Variants in GLRA3 observed in about 807,000 individuals in gnomAD.
GLRA3 encodes glycine receptor subunit alpha-3.
In GLRA3, 44 loss-of-function variants were observed where a neutral mutation model predicts 60.4. The observed-to-expected ratio is 0.73, with a 90% CI of 0.57 to 0.94. The LOEUF (loss-of-function observed/expected upper bound fraction) is 0.94, where lower values mean the gene tolerates loss of function less well. Among genes scored for constraint, GLRA3 ranks in the 40% least tolerant of loss-of-function variants. The pLI is 0.00. For missense variants in GLRA3, 508 were observed against 564.6 expected, an observed-to-expected ratio of 0.90 and a Z score of 1.02; for synonymous variants, 223 against 192.9, an observed-to-expected ratio of 1.16 and a Z score of -1.29.
chr4:174,816,849 G>T (rs1480275735), intron 1 of GLRA3, among the ~76,000 whole-genome samples: 1 of 151,624 alleles, frequency 6.6e-6, no homozygotes, highest in Non-Finnish European at 1.5e-5. Flanking sequence ...TTTAATTCTT[G>T]TGGGTACATA....
chr4:174,828,620 T>C lies in GLRA3; in HGVS notation c.71+121A>G, dbSNP rs539845474. 6.0e-5 allele frequency: 40 copies of C among 671,554 alleles called. 1 individual carries two copies. In the Middle Eastern group the frequency reaches 7.3e-4, roughly 12 times the overall value. 41.6% of individuals were successfully genotyped at this position (671,554 alleles called of 1,614,324 possible). A position where few individuals can be genotyped will look rare whatever the true frequency, so the allele number is the denominator to read the frequency against. ...TTAGACAGAAAACAATACGATTAAA[T>C]TGATTGTTTCAACAAGTCAATATAG... is the stretch of plus-strand genomic sequence containing the variant. On this transcript the variant is annotated intron_variant, in intron 1 of 9. Coordinates refer to ENST00000274093, the MANE Select transcript of GLRA3 (RefSeq NM_006529.4).
intron 5 of GLRA3, among the ~76,000 whole-genome samples, chr4:174,709,847 G>A (rs1398266703): frequency 6.6e-6 from 1 of 151,968 alleles, no homozygotes; most frequent in African/African-American, 2.4e-5. Flanking sequence ...CAACTTTAGT[G>A]CAGTTATTTT....
At chr4:174,648,467 G>GAATC (rs754057649) in intron 9 of GLRA3, among the ~76,000 whole-genome samples, 12 of 152,058 alleles carry the variant, frequency 7.9e-5, no homozygotes, top group African/African-American at 1.7e-4. Context: ...CTCCATCTCA[G>GAATC]AATCAATCAA....
intron 3 of GLRA3, among the ~76,000 whole-genome samples, chr4:174,733,873 C>T (rs1736662472): frequency 6.6e-6 from 1 of 152,160 alleles, no homozygotes; most frequent in Non-Finnish European, 1.5e-5. Flanking sequence ...CCACATCAGA[C>T]TGACCATCTC....
In GLRA3 at chr4:174,711,452, T is replaced by A. The variant is rs796661419; in HGVS notation, c.574+4036A>T. On this transcript the variant is annotated intron_variant, in intron 5 of 9. Transcript: ENST00000274093. ...AATTATATATATATATATATTTTTTTTTTTTTTAGAGAGAGTCTCACTCTG... is the reference window on the plus strand; with the variant it reads ...AATTATATATATATATATATTTTTTATTTTTTTAGAGAGAGTCTCACTCTG... Among the ~76,000 whole-genome samples the A allele has an allele frequency of 9.1e-4, 136 of 149,152 alleles. 1 individual carries two copies. The highest frequency in any genetic ancestry group is 7.1e-3 in the Middle Eastern group (2 of 282).
chr4:174,773,391 C>A (rs1330890640), intron 2 of GLRA3, among the ~76,000 whole-genome samples: 7 of 151,138 alleles, frequency 4.6e-5, no homozygotes, highest in Non-Finnish European at 7.4e-5. Flanking sequence ...AAGTACAATG[C>A]AAAATCTTGG....
chr4:174,821,688 A>G (rs1018158168), intron 1 of GLRA3, among the ~76,000 whole-genome samples: 1 of 152,198 alleles, frequency 6.6e-6, no homozygotes, highest in Admixed American at 6.5e-5. Context: ...AATATACATT[A>G]CATTACACAA....
At chr4:174,765,742 C>A (rs546031933) in intron 3 of GLRA3, among the ~76,000 whole-genome samples, 1 of 151,978 alleles carries the variant, frequency 6.6e-6, no homozygotes. Context: ...AAATGACATA[C>A]GTCTTCTCTG....
chr4:174,706,744 G>A (rs1400459125), intron 5 of GLRA3, among the ~76,000 whole-genome samples: 17 of 149,844 alleles, frequency 1.1e-4, no homozygotes, highest in Non-Finnish European at 3.0e-5. Context: ...TGAGATTGCT[G>A]ATGCTATATG....
At position 174,666,777 on chromosome 4, in the gene GLRA3, A is replaced by G. The variant is rs111962089; in HGVS notation, c.928-7580T>C. 2.1e-3 allele frequency among the ~76,000 whole-genome samples: 306 copies of G among 144,222 alleles called. 2 individuals carry two copies. Among genetic ancestry groups the G allele is most frequent in the Middle Eastern group, 7.2e-3 (2 of 276 alleles). The allele number at this position is 144,222 out of a possible 152,430, so 94.6% of individuals were successfully genotyped here. ...ATATATATTATATATATATATATAT[A>G]TATAATTGGATTTTATTGCTGTCAG... On this transcript the variant is annotated intron_variant, in intron 7 of 9. Transcript: ENST00000274093.
chr4:174,760,135 T>C (rs1394989799), intron 3 of GLRA3, among the ~76,000 whole-genome samples: 1 of 152,154 alleles, frequency 6.6e-6, no homozygotes, highest in Non-Finnish European at 1.5e-5. Context: ...GTGTGTATAA[T>C]AAAAACAAGC....
At chr4:174,761,512 T>G (rs1000582063) in intron 3 of GLRA3, among the ~76,000 whole-genome samples, 1 of 152,144 alleles carries the variant, frequency 6.6e-6, no homozygotes, top group Non-Finnish European at 1.5e-5. Flanking sequence ...ATGTCTCATC[T>G]TTTTTGTTCT....
rs931474365 is a variant in GLRA3 at position 174,647,006 on chromosome 4, C to T, written c.1117-2942G>A. On this transcript the variant is annotated intron_variant, in intron 9 of 9. Coordinates refer to ENST00000274093, the MANE Select transcript of GLRA3 (RefSeq NM_006529.4). ...AACATGCTGAATCTTATTATTGGAACATGGATCGCACAGGTTTATCCCCTG... is the reference window on the plus strand; with the variant it reads ...AACATGCTGAATCTTATTATTGGAATATGGATCGCACAGGTTTATCCCCTG... 4.3e-4 allele frequency among the ~76,000 whole-genome samples: 66 copies of T among 152,282 alleles called. 1 individual carries two copies. Among genetic ancestry groups the T allele is most frequent in the Non-Finnish European group, 4.4e-4 (30 of 68,026 alleles).
At chr4:174,820,900 CAT>C (rs1491456796) in intron 1 of GLRA3, among the ~76,000 whole-genome samples, 1 of 151,850 alleles carries the variant, frequency 6.6e-6, no homozygotes. Context: ...AGCTGACAAT[CAT>C]TTTTTTTTTA....
intron 1 of GLRA3, among the ~76,000 whole-genome samples, chr4:174,816,140 G>A (rs1740491249): frequency 6.6e-6 from 1 of 152,146 alleles, no homozygotes; most frequent in Non-Finnish European, 1.5e-5. Flanking sequence ...GCTTCCTAAA[G>A]GTCCACACAT....
chr4:174,676,676 T>A (rs1561048299), intron 7 of GLRA3, among the ~76,000 whole-genome samples: 1 of 152,004 alleles, frequency 6.6e-6, no homozygotes, highest in Non-Finnish European at 1.5e-5. Flanking sequence ...TATTATAGTA[T>A]CAGTCCTAAG....
At chr4:174,750,064 T>C (rs919856418) in intron 3 of GLRA3, among the ~76,000 whole-genome samples, 19 of 152,200 alleles carry the variant, frequency 1.2e-4, no homozygotes, top group African/African-American at 3.8e-4. Context: ...ACTGCCCTCA[T>C]GGAGTAGATC....
chr4:174,775,710 T>C (rs961149937), intron 2 of GLRA3, among the ~76,000 whole-genome samples: 1 of 152,190 alleles, frequency 6.6e-6, no homozygotes, highest in African/African-American at 2.4e-5. Flanking sequence ...CTTATAAACA[T>C]ACTTTTACTT....
intron 9 of GLRA3, among the ~76,000 whole-genome samples, chr4:174,655,932 T>A (rs537204034): frequency 6.6e-6 from 1 of 152,276 alleles, no homozygotes; most frequent in South Asian, 2.1e-4. Context: ...CTTGCAGAGA[T>A]GCTTACCTGC....
Sources: gnomAD v4.1 joint callset for allele counts (sites outside exome capture counted in the v4.1 genomes callset) on GRCh38, gnomAD v4.1.1 for gene constraint, MANE v1.5 for transcripts, NCBI Gene and HGNC (gene_info 2026-07-23, HGNC 2026-07-21) for gene names.